The following HCRTR2 variants were observed in gnomAD, a reference collection of about 807,000 sequenced individuals.
HCRTR2 encodes hypocretin receptor 2.
In HCRTR2, 22 loss-of-function variants were observed where a neutral mutation model predicts 49.0. That is an observed-to-expected ratio of 0.45 (90% CI 0.32 to 0.64). HCRTR2 has a LOEUF of 0.64. Among genes scored for constraint, HCRTR2 ranks in the 30% least tolerant of loss-of-function variants. HCRTR2 has a pLI of 0.04. For missense variants in HCRTR2, 491 were observed against 559.4 expected, an observed-to-expected ratio of 0.88 and a Z score of 1.23; for synonymous variants, 236 against 205.3, an observed-to-expected ratio of 1.15 and a Z score of -1.28.
chr6:55,163,258 CA>C (rs1554169068), intron 1 of HCRTR2, among the ~76,000 whole-genome samples: 2 of 141,174 alleles, frequency 1.4e-5, no homozygotes, highest in African/African-American at 5.2e-5. Flanking sequence ...AAACAAACAA[CA>C]AAAAAAAAAA....
chr6:55,247,634 C>T (rs1332406650), intron 1 of HCRTR2, among the ~76,000 whole-genome samples: 1 of 151,916 alleles, frequency 6.6e-6, no homozygotes. Flanking sequence ...CTATATAATT[C>T]CAGAGCTAGT....
At chr6:55,154,916 T>C (rs542325338) in intron 1 of HCRTR2, among the ~76,000 whole-genome samples, 4 of 151,862 alleles carry the variant, frequency 2.6e-5, no homozygotes, top group African/African-American at 9.6e-5. Flanking sequence ...AAAAAGTACT[T>C]GTAATTCTAT....
At chr6:55,170,174 A>C (rs181792436), upstream of HCRTR2, among the ~76,000 whole-genome samples, 668 of 151,438 alleles carry the variant, frequency 4.4e-3, 1 homozygote, top group African/African-American at 0.015. Context: ...AATTATTCTG[A>C]ATGTTGTGAG....
At chr6:55,226,428 C>T (rs1766005553) in intron 1 of HCRTR2, among the ~76,000 whole-genome samples, 1 of 152,158 alleles carries the variant, frequency 6.6e-6, no homozygotes, top group Non-Finnish European at 1.5e-5. Context: ...CCTGCCTCAT[C>T]CTCCCCAGTA....
intron 1 of HCRTR2, among the ~76,000 whole-genome samples, chr6:55,245,913 G>T (rs1766433840): frequency 6.6e-6 from 1 of 152,082 alleles, no homozygotes; most frequent in African/African-American, 2.4e-5. Flanking sequence ...TGGAAATGGG[G>T]TCATTGCAGA....
chr6:55,159,311 C>G (rs1764773950), intron 1 of HCRTR2, among the ~76,000 whole-genome samples: 1 of 142,526 alleles, frequency 7.0e-6, no homozygotes, highest in Non-Finnish European at 1.6e-5. Flanking sequence ...AACAGCACAT[C>G]CGCACAAAAA....
chr6:55,191,391 A>T (rs1765312515), intron 1 of HCRTR2, among the ~76,000 whole-genome samples: 1 of 152,176 alleles, frequency 6.6e-6, no homozygotes, highest in African/African-American at 2.4e-5. Context: ...TTTCAGGATT[A>T]AAATGAATGT....
intron 1 of HCRTR2, among the ~76,000 whole-genome samples, chr6:55,125,839 G>A (rs557715814): frequency 6.6e-6 from 1 of 151,032 alleles, no homozygotes; most frequent in Non-Finnish European, 1.5e-5. Context: ...TTCAAATCTT[G>A]TCTTCTCACT....
At chr6:55,144,146 G>C (rs1352185901) in intron 1 of HCRTR2, among the ~76,000 whole-genome samples, 1 of 119,610 alleles carries the variant, frequency 8.4e-6, no homozygotes, top group African/African-American at 3.5e-5. Context: ...GAGTTTCGCT[G>C]TTGTTGCCCA....
chr6:55,182,336 G>C (rs1463812323), intron 1 of HCRTR2, among the ~76,000 whole-genome samples: 1 of 152,206 alleles, frequency 6.6e-6, no homozygotes, highest in Non-Finnish European at 1.5e-5. Context: ...GCAGTGAAAC[G>C]ATGTCACTTT....
intron 4 of HCRTR2, among the ~76,000 whole-genome samples, chr6:55,265,389 C>T (rs1186557847): frequency 6.6e-6 from 1 of 152,202 alleles, no homozygotes; most frequent in East Asian, 1.9e-4. Context: ...ACTCCTATTA[C>T]AGGTCAGTGG....
intron 2 of HCRTR2, among the ~76,000 whole-genome samples, chr6:55,252,337 A>C (rs1766565869): frequency 6.6e-6 from 1 of 152,164 alleles, no homozygotes; most frequent in Non-Finnish European, 1.5e-5. Flanking sequence ...AGGAAACACT[A>C]GAAATGACAT....
In HCRTR2 at chr6:55,277,890, T is replaced by C. The variant is rs149433159; in HGVS notation, c.983+290T>C. Reference sequence around the variant, plus strand: ...GCTAAACCTTAGATGCAGACAAAGTTCTAATGCGTAACAACTCATTTACAG... The same window carrying C: ...GCTAAACCTTAGATGCAGACAAAGTCCTAATGCGTAACAACTCATTTACAG... On this transcript the variant is annotated intron_variant, in intron 5 of 6. Transcript: ENST00000370862. Among the ~76,000 whole-genome samples the C allele has an allele frequency of 1.5e-3, 229 of 152,298 alleles. 2 individuals are homozygous for C. The highest frequency in any genetic ancestry group is 5.3e-3 in the African/African-American group (221 of 41,564).
At position 55,174,689 on chromosome 6, in the gene HCRTR2, T is replaced by C. The variant is rs956066248; in HGVS notation, c.102T>C (p.Tyr34=). The C allele has an allele frequency of 6.2e-6, 10 of 1,613,944 alleles. No homozygotes were observed. The highest frequency in any genetic ancestry group is 8.5e-6 in the Non-Finnish European group (10 of 1,180,020). ...AGCCCTTTTTAAACCCCACCGACTA[T>C]GACGACGAGGAATTCCTGCGGTACC... is the stretch of plus-strand genomic sequence containing the variant. ...TQEPFLNPTD[Y]DDEEFLRYLW... is the part of the protein sequence containing the mutation. Residue 34 remains tyrosine, a synonymous_variant, in exon 1 of 7, where the codon TAT becomes TAC. Transcript: ENST00000370862.
At chr6:55,139,930 A>C (rs1157477933) in intron 1 of HCRTR2, among the ~76,000 whole-genome samples, 5 of 152,210 alleles carry the variant, frequency 3.3e-5, no homozygotes, top group Non-Finnish European at 7.3e-5. Flanking sequence ...GACCTATTTG[A>C]AATACTTATA....
chr6:55,152,407 A>G (rs1561988363), intron 1 of HCRTR2, among the ~76,000 whole-genome samples: 1 of 151,882 alleles, frequency 6.6e-6, no homozygotes, highest in African/African-American at 2.4e-5. Flanking sequence ...TCTTCTGTCC[A>G]TTTTTTAATT....
intron 1 of HCRTR2, among the ~76,000 whole-genome samples, chr6:55,164,616 G>A (rs1422012694): frequency 6.6e-6 from 1 of 152,086 alleles, no homozygotes; most frequent in Non-Finnish European, 1.5e-5. Context: ...ACACACCAGG[G>A]CCTGTCAGGC....
intron 1 of HCRTR2, among the ~76,000 whole-genome samples, chr6:55,224,635 A>T (rs1257605515): frequency 6.6e-6 from 1 of 151,932 alleles, no homozygotes; most frequent in Non-Finnish European, 1.5e-5. Flanking sequence ...TTAAAAAAAA[A>T]AAAAGGAAAG....
chr6:55,234,000 A>G (rs1316889134), intron 1 of HCRTR2, among the ~76,000 whole-genome samples: 1 of 152,170 alleles, frequency 6.6e-6, no homozygotes, highest in Non-Finnish European at 1.5e-5. Flanking sequence ...CAGTCTCTAG[A>G]TTAGGTGCAA....
Sources: gnomAD v4.1 joint callset for allele counts (sites outside exome capture counted in the v4.1 genomes callset) on GRCh38, gnomAD v4.1.1 for gene constraint, MANE v1.5 for transcripts, NCBI Gene and HGNC (gene_info 2026-07-23, HGNC 2026-07-21) for gene names.